PPP1R9A: variants seen among roughly 807,000 people sequenced by gnomAD.
PPP1R9A encodes protein phosphatase 1 regulatory subunit 9A, also known as neurabin-1.
In PPP1R9A, 59 loss-of-function variants were observed where a neutral mutation model predicts 141.9. The ratio of observed to expected loss-of-function variants is 0.42; its 90% confidence interval spans 0.34 to 0.52. PPP1R9A has a LOEUF of 0.52. Among genes scored for constraint, PPP1R9A ranks in the 20% least tolerant of loss-of-function variants. PPP1R9A has a pLI of 0.10. For missense variants in PPP1R9A, 1,444 were observed against 1,611.9 expected, an observed-to-expected ratio of 0.90 and a Z score of 1.78; for synonymous variants, 500 against 569.7, an observed-to-expected ratio of 0.88 and a Z score of 1.74.
chr7:95,226,690 G>C (rs1039305944), intron 8 of PPP1R9A, among the ~76,000 whole-genome samples: 1 of 152,128 alleles, frequency 6.6e-6, no homozygotes, highest in South Asian at 2.1e-4. Flanking sequence ...TTGGGGCAAG[G>C]GTAAGAATAC....
chr7:95,266,577 A>T (rs1801324975), intron 12 of PPP1R9A, among the ~76,000 whole-genome samples: 1 of 152,092 alleles, frequency 6.6e-6, no homozygotes, highest in Admixed American at 6.6e-5. Flanking sequence ...TTAATTAGTT[A>T]TGTAAATGAG....
At chr7:95,253,926 A>G (rs531814065) in intron 12 of PPP1R9A, among the ~76,000 whole-genome samples, 9 of 152,190 alleles carry the variant, frequency 5.9e-5, no homozygotes, top group Non-Finnish European at 1.2e-4. Flanking sequence ...TTTCATTTCT[A>G]TTCATTTCTT....
At position 95,126,924 on chromosome 7, in the gene PPP1R9A, A is replaced by G. The variant is rs538161385; in HGVS notation, c.1649+6092A>G. Among the ~76,000 whole-genome samples, 28 of 152,248 alleles carry G rather than the reference A, an allele frequency of 1.8e-4. 1 individual carries two copies. In the South Asian group the frequency reaches 5.4e-3, roughly 29 times the overall value. ...TTCTAGGGAGTTGTAGGAGCAATCT[A>G]TAGTGGGAATAAACCTGAACCACTG... On this transcript the variant is annotated intron_variant, in intron 4 of 19. Coordinates refer to ENST00000433360, the MANE Select transcript of PPP1R9A (RefSeq NM_001166160.2).
intron 2 of PPP1R9A, among the ~76,000 whole-genome samples, chr7:95,057,016 C>G (rs1811589383): frequency 6.6e-6 from 1 of 152,184 alleles, no homozygotes; most frequent in Non-Finnish European, 1.5e-5. Context: ...GAATTTTGAT[C>G]TCTCTCTCCA....
At chr7:95,027,181 G>A (rs980866561) in intron 2 of PPP1R9A, among the ~76,000 whole-genome samples, 3 of 152,192 alleles carry the variant, frequency 2.0e-5, no homozygotes, top group Non-Finnish European at 2.9e-5. Context: ...CAGCCACCCA[G>A]TTTTGTGCTT....
chr7:95,188,320 T>G lies in PPP1R9A; in HGVS notation c.1755-10029T>G, dbSNP rs1585150700. Among the ~76,000 whole-genome samples the G allele has an allele frequency of 2.0e-5, 3 of 152,334 alleles. No individual in the cohort carries two copies. In the East Asian group the frequency reaches 5.8e-4, roughly 29 times the overall value. ...TGGCTATTCCTGATTGCTTTTCGTT[T>G]CCATTTACATGAAATATCTTTTTCC... On this transcript the variant is annotated intron_variant, in intron 5 of 19. Coordinates refer to ENST00000433360, the MANE Select transcript of PPP1R9A (RefSeq NM_001166160.2).
chr7:95,171,144 A>G (rs1167527023), intron 5 of PPP1R9A, among the ~76,000 whole-genome samples: 4 of 151,558 alleles, frequency 2.6e-5, no homozygotes, highest in African/African-American at 9.7e-5. Context: ...TATCCAAAAA[A>G]TGCAAAAAAG....
chr7:95,085,786 A>G (rs911656248), intron 2 of PPP1R9A, among the ~76,000 whole-genome samples: 17 of 152,008 alleles, frequency 1.1e-4, no homozygotes, highest in African/African-American at 3.9e-4. Context: ...CACTTGGTAT[A>G]TGTTTCCTTA....
intron 2 of PPP1R9A, among the ~76,000 whole-genome samples, chr7:95,103,861 A>T (rs184628853): frequency 6.6e-6 from 1 of 152,322 alleles, no homozygotes; most frequent in Admixed American, 6.5e-5. Flanking sequence ...TGGTAAAGAG[A>T]TAATTTGTGT....
At chr7:95,181,542 T>G (rs963696068) in intron 5 of PPP1R9A, among the ~76,000 whole-genome samples, 2 of 135,924 alleles carry the variant, frequency 1.5e-5, no homozygotes, top group African/African-American at 2.7e-5. Flanking sequence ...ATATAGAATA[T>G]AGAGAGAGAA....
chr7:95,010,996 C>T (rs1804342633), intron 2 of PPP1R9A, among the ~76,000 whole-genome samples: 1 of 152,042 alleles, frequency 6.6e-6, no homozygotes, highest in African/African-American at 2.4e-5. Context: ...AGAATGCAGT[C>T]TGAGAGAAAA....
intron 5 of PPP1R9A, 147 bp from the exon 6 acceptor site, chr7:95,198,202 C>T (rs750468612): frequency 4.6e-6 from 3 of 645,450 alleles, no homozygotes; most frequent in Non-Finnish European, 4.8e-6. Context: ...GCTTTCTTCT[C>T]ACCCAAGAAA....
intron 2 of PPP1R9A, among the ~76,000 whole-genome samples, chr7:95,062,988 A>G (rs1017292359): frequency 2.0e-5 from 3 of 152,120 alleles, no homozygotes; most frequent in South Asian, 2.1e-4. Flanking sequence ...TGACTGGTCA[A>G]ATAGAGTGTT....
intron 4 of PPP1R9A, among the ~76,000 whole-genome samples, chr7:95,149,044 A>G (rs1250547882): frequency 1.3e-5 from 2 of 152,180 alleles, no homozygotes; most frequent in Non-Finnish European, 2.9e-5. Flanking sequence ...AAGGAATTAT[A>G]TACAGAGACC....
intron 4 of PPP1R9A, among the ~76,000 whole-genome samples, chr7:95,151,873 T>G (rs1415260544): frequency 6.6e-6 from 1 of 151,760 alleles, no homozygotes; most frequent in Non-Finnish European, 1.5e-5. Context: ...CTTTGCTTAT[T>G]TATAAGTTTG....
At chr7:95,125,625 A>G (rs1823426773) in intron 4 of PPP1R9A, among the ~76,000 whole-genome samples, 1 of 152,182 alleles carries the variant, frequency 6.6e-6, no homozygotes, top group Admixed American at 6.5e-5. Flanking sequence ...GGATGTTAAT[A>G]ATGCTGTGCT....
intron 4 of PPP1R9A, among the ~76,000 whole-genome samples, chr7:95,149,291 A>G (rs569907432): frequency 2.2e-4 from 34 of 152,288 alleles, no homozygotes; most frequent in Admixed American, 6.5e-4. Context: ...CTAACATTAT[A>G]TTTAATAGTG....
At chr7:94,961,595 A>G (rs984014917) in intron 2 of PPP1R9A, among the ~76,000 whole-genome samples, 1 of 151,828 alleles carries the variant, frequency 6.6e-6, no homozygotes, top group African/African-American at 2.4e-5. Context: ...AGTTAAGGTT[A>G]TTTTTAGAAA....
intron 4 of PPP1R9A, among the ~76,000 whole-genome samples, chr7:95,138,856 T>C (rs976408831): frequency 1.3e-5 from 2 of 152,200 alleles, no homozygotes; most frequent in Non-Finnish European, 2.9e-5. Context: ...TATAAAGTGC[T>C]GACATGGATA....
Sources: gnomAD v4.1 joint callset for allele counts (sites outside exome capture counted in the v4.1 genomes callset) on GRCh38, gnomAD v4.1.1 for gene constraint, MANE v1.5 for transcripts, NCBI Gene and HGNC (gene_info 2026-07-23, HGNC 2026-07-21) for gene names.